The following PPM1D variants were observed in gnomAD, a reference collection of about 807,000 sequenced individuals.
The protein encoded by PPM1D is protein phosphatase, Mg2+/Mn2+ dependent 1D.
Under a neutral mutation model 58.3 loss-of-function variants are expected in PPM1D, and 52 were observed. The observed-to-expected ratio is 0.89, with a 90% CI of 0.71 to 1.12. The LOEUF is 1.12. PPM1D is among the 50% of genes most tolerant of loss of function. The pLI, the probability that PPM1D is intolerant of heterozygous loss-of-function variation, is 0.00. For synonymous variants in PPM1D, 278 were observed against 285.1 expected (o/e 0.98, Z 0.25); for missense variants, 564 against 777.2 (o/e 0.73, Z 3.26).
chr17:60,621,732 C>A (rs2030707471), intron 1 of PPM1D, among the ~76,000 whole-genome samples: 1 of 150,650 alleles, frequency 6.6e-6, no homozygotes, highest in South Asian at 2.1e-4. Context: ...TGCCACCACG[C>A]CCAGCTAATT....
At chr17:60,625,618 A>AT (rs1397744106) in intron 2 of PPM1D, among the ~76,000 whole-genome samples, 1 of 152,220 alleles carries the variant, frequency 6.6e-6, no homozygotes, top group African/African-American at 2.4e-5. Context: ...ACATTTATAG[A>AT]TAAGTTTATA....
At chr17:60,615,026 C>A (rs2030553955) in intron 1 of PPM1D, among the ~76,000 whole-genome samples, 1 of 152,124 alleles carries the variant, frequency 6.6e-6, no homozygotes, top group Admixed American at 6.5e-5. Context: ...ACCAGGGTAT[C>A]CTTACCTATA....
intron 2 of PPM1D, among the ~76,000 whole-genome samples, chr17:60,632,617 T>C (rs879476778): frequency 2.0e-5 from 3 of 151,984 alleles, no homozygotes; most frequent in Non-Finnish European, 2.9e-5. Context: ...CCCAGCACTT[T>C]GGGAGACTGA....
chr17:60,602,922 G>A (rs771385577), intron 1 of PPM1D, among the ~76,000 whole-genome samples: 10 of 151,910 alleles, frequency 6.6e-5, no homozygotes, highest in Non-Finnish European at 1.2e-4. Context: ...CAATCTGCAG[G>A]CCAACCCCTT....
At chr17:60,617,128 ATT>A (rs780911862) in intron 1 of PPM1D, among the ~76,000 whole-genome samples, 3 of 140,158 alleles carry the variant, frequency 2.1e-5, no homozygotes, top group Admixed American at 7.2e-5. Context: ...AAAAAAAAAA[ATT>A]TTTTTTTTTT....
Position 60,627,577 on chromosome 17 carries a change from A to G in PPM1D, c.701+3828A>G, listed in dbSNP as rs139421028. 3.8e-3 allele frequency among the ~76,000 whole-genome samples: 581 copies of G among 152,116 alleles called. 2 individuals are homozygous for G. Among genetic ancestry groups the G allele is most frequent in the African/African-American group, 0.013 (548 of 41,492 alleles). On this transcript the variant is annotated intron_variant, in intron 2 of 5. Coordinates refer to ENST00000305921, the MANE Select transcript of PPM1D (RefSeq NM_003620.4). Reference sequence around the variant, plus strand: ...GCTGGGATTACAGGTGCCCGCCACCATGCCCAGCTAATTTTTGTATTTTTA... The same window carrying G: ...GCTGGGATTACAGGTGCCCGCCACCGTGCCCAGCTAATTTTTGTATTTTTA...
intron 2 of PPM1D, among the ~76,000 whole-genome samples, chr17:60,632,301 A>G (rs1421854453): frequency 3.9e-5 from 6 of 152,170 alleles, no homozygotes; most frequent in Non-Finnish European, 8.8e-5. Context: ...CCAAATCTAT[A>G]TGTCTACAGC....
At position 60,663,333 on chromosome 17, in the gene PPM1D, CTT is replaced by C. The variant is rs755988177; in HGVS notation, c.1601_1602del (p.Phe534Ter). On this transcript the variant is annotated frameshift_variant, in exon 6 of 6. Coordinates refer to ENST00000305921, the MANE Select transcript of PPM1D (RefSeq NM_003620.4). LOFTEE classifies it high-confidence loss of function. The part of the protein sequence containing the change: ...QEIERTPPTN[F>X]KRTLEESNSG... Reference sequence around the variant, plus strand: ...AAATTGAAAGAACCCCTCCAACAAACTTTAAAAGGACATTAGAAGAGTCCAAT... The same window carrying C: ...AAATTGAAAGAACCCCTCCAACAAACTAAAAGGACATTAGAAGAGTCCAAT... 6.2e-7 allele frequency: 1 copy of C among 1,614,162 alleles called. No individual in the cohort carries two copies. Among genetic ancestry groups the C allele is most frequent in the Non-Finnish European group, 8.5e-7 (1 of 1,180,010 alleles).
chr17:60,666,066 T>C lies in PPM1D; in HGVS notation c.*2514T>C, dbSNP rs1054710413. On this transcript the variant is annotated 3_prime_UTR_variant, in exon 6 of 6. Coordinates refer to ENST00000305921, the MANE Select transcript of PPM1D (RefSeq NM_003620.4). Reference sequence around the variant, plus strand: ...GAGGTGGGCATTTTTAAGTGTCATCTGGAAGGAGGCTGTCACAACCTGGAA... The same window carrying C: ...GAGGTGGGCATTTTTAAGTGTCATCCGGAAGGAGGCTGTCACAACCTGGAA... 4 of 152,212 alleles carry C rather than the reference T, an allele frequency of 2.6e-5. No homozygotes were observed. In the East Asian group the frequency reaches 7.7e-4, roughly 29 times the overall value. 9.4% of individuals were successfully genotyped at this position (152,212 alleles called of 1,614,324 possible).
intron 1 of PPM1D, among the ~76,000 whole-genome samples, chr17:60,608,849 A>G (rs1315777555): frequency 1.3e-5 from 2 of 148,498 alleles, no homozygotes; most frequent in Non-Finnish European, 3.0e-5. Flanking sequence ...CTGGGTTCAC[A>G]CCATTCTCCT....
At chr17:60,646,853 A>T (rs1049464296) in intron 3 of PPM1D, among the ~76,000 whole-genome samples, 2 of 152,192 alleles carry the variant, frequency 1.3e-5, no homozygotes, top group African/African-American at 4.8e-5. Context: ...AGTGAAAGGG[A>T]GAACTGTTGC....
intron 1 of PPM1D, among the ~76,000 whole-genome samples, chr17:60,601,657 T>C (rs1294839459): frequency 6.6e-6 from 1 of 152,180 alleles, no homozygotes; most frequent in Admixed American, 6.5e-5. Flanking sequence ...GTTTAAAAAG[T>C]ACTTATAAAT....
At chr17:60,617,537 T>C (rs1376556674) in intron 1 of PPM1D, among the ~76,000 whole-genome samples, 1 of 150,468 alleles carries the variant, frequency 6.6e-6, no homozygotes, top group Admixed American at 6.7e-5. Context: ...GGGCAACATA[T>C]TGAGACCCTG....
intron 1 of PPM1D, among the ~76,000 whole-genome samples, chr17:60,614,889 C>T (rs1454963868): frequency 1.3e-5 from 2 of 152,036 alleles, no homozygotes; most frequent in Non-Finnish European, 2.9e-5. Context: ...ATTCTGGACA[C>T]ACTGCCTTTA....
chr17:60,663,204 G>C lies in PPM1D; in HGVS notation c.1470G>C (p.Leu490Phe). The C allele has an allele frequency of 6.2e-7, 1 of 1,614,142 alleles. No homozygotes were observed. Among genetic ancestry groups the C allele is most frequent in the Non-Finnish European group, 8.5e-7 (1 of 1,180,002 alleles). The part of the protein sequence containing the change: ...KALTLRIHDS[L>F]NNSLPIGLVP... ...TGACTTTAAGGATACATGATTCTTTGAATAATAGCCTTCCAATTGGCCTTG... is the reference window on the plus strand; with the variant it reads ...TGACTTTAAGGATACATGATTCTTTCAATAATAGCCTTCCAATTGGCCTTG... Residue 490 changes from leucine to phenylalanine, a missense_variant, in exon 6 of 6, where the codon TTG becomes TTC. By Grantham distance (22) the Leu-to-Phe change is conservative. This residue lies in a region of PPM1D where 261 missense variants were observed against 270.1 expected (regional missense o/e 0.97). Transcript: ENST00000305921.
chr17:60,634,588 TC>T (rs2030988684), intron 3 of PPM1D, among the ~76,000 whole-genome samples: 1 of 152,144 alleles, frequency 6.6e-6, no homozygotes, highest in Non-Finnish European at 1.5e-5. Flanking sequence ...TTAATAGTCC[TC>T]CTGAGAGCCT....
Position 60,663,538 on chromosome 17 carries a change from GTTT to G in PPM1D, c.1805_1807del (p.Val602_Cys603delinsGly). ...TTTACTTCATCAACACAGGAAAACT[GTTT>G]GTGTTTGCTGAAATGCATCTGGGAA... On this transcript the variant is annotated inframe_deletion, in exon 6 of 6. Transcript: ENST00000305921. 6.2e-7 allele frequency: 1 copy of G among 1,606,898 alleles called. No homozygotes were observed.
At chr17:60,627,172 C>CCA (rs763604970) in intron 2 of PPM1D, among the ~76,000 whole-genome samples, 3 of 152,116 alleles carry the variant, frequency 2.0e-5, no homozygotes. Flanking sequence ...GGGTTTTATG[C>CCA]CACACACACA....
At chr17:60,662,959 AT>A in intron 5 of PPM1D, 35 bp from the exon 6 acceptor site, 1 of 1,543,778 alleles carries the variant, frequency 6.5e-7, no homozygotes, top group Non-Finnish European at 8.8e-7. Context: ...TCTGGGATAA[AT>A]TTTTTCTTAT....
Sources: allele counts gnomAD v4.1 joint callset (sites outside exome capture counted in the v4.1 genomes callset), GRCh38; gene constraint gnomAD v4.1.1; regional missense constraint gnomAD v4.1.1; transcripts MANE v1.5; gene names NCBI Gene and HGNC (gene_info 2026-07-23, HGNC 2026-07-21).